OR51B5: variants seen among roughly 807,000 people sequenced by gnomAD.
The protein encoded by OR51B5 is olfactory receptor 51B5.
For missense variants in OR51B5, 456 were observed against 374.6 expected, an observed-to-expected ratio of 1.22 and a Z score of -1.79; for synonymous variants, 186 against 144.8, an observed-to-expected ratio of 1.28 and a Z score of -2.04.
chr11:5,498,241 G>C (rs1385952462), intron 1 of OR51B5, among the ~76,000 whole-genome samples: 1 of 152,162 alleles, frequency 6.6e-6, no homozygotes, highest in African/African-American at 2.4e-5. Context: ...TATCTTTGGC[G>C]ATCCTTGGGA....
chr11:5,400,884 G>T (rs999605515), intron 1 of OR51B5, among the ~76,000 whole-genome samples: 3 of 152,180 alleles, frequency 2.0e-5, no homozygotes, highest in Non-Finnish European at 4.4e-5. Flanking sequence ...CTGTTGATGC[G>T]TAAGTTCAGC....
rs1042973014 is a variant in OR51B5 at position 5,473,587 on chromosome 11, CAGTT to C, written n.84+31978_84+31981del. Among the ~76,000 whole-genome samples the C allele has an allele frequency of 5.3e-5, 8 of 152,088 alleles. 1 individual carries two copies. Among genetic ancestry groups the C allele is most frequent in the East Asian group, 3.9e-4 (2 of 5,186 alleles). The stretch of plus-strand genomic sequence containing the variant: ...TGTGATTCTGCTAGGTTTTTTGACA[CAGTT>C]AGCTCATTTAGTTATCAGTGAAAAC... On this transcript the variant is annotated intron_variant and non_coding_transcript_variant, in intron 1 of 4. Transcript: ENST00000415970.
chr11:5,434,820 T>A (rs568285184), intron 1 of OR51B5, among the ~76,000 whole-genome samples: 45 of 152,312 alleles, frequency 3.0e-4, no homozygotes, highest in African/African-American at 1.1e-3. Context: ...CGTAAGTGGC[T>A]GATCTGGGAC....
chr11:5,396,816 A>T (rs182299186), intron 1 of OR51B5, among the ~76,000 whole-genome samples: 1 of 152,222 alleles, frequency 6.6e-6, no homozygotes, highest in African/African-American at 2.4e-5. Flanking sequence ...CTACAAGGCT[A>T]CAGTAACCAA....
intron 1 of OR51B5, among the ~76,000 whole-genome samples, chr11:5,415,553 A>G (rs192741089): frequency 0.011 from 1,736 of 152,056 alleles, 39 homozygotes; most frequent in African/African-American, 0.039. Flanking sequence ...AAAAAAAGAG[A>G]GAAGAATCAA....
At chr11:5,364,848 T>A (rs939647175) in intron 1 of OR51B5, among the ~76,000 whole-genome samples, 6 of 152,230 alleles carry the variant, frequency 3.9e-5, no homozygotes, top group African/African-American at 1.4e-4. Context: ...CTTTCCTAAG[T>A]TTCTATTGGT....
chr11:5,356,611 A>G (rs1849198975), intron 1 of OR51B5, among the ~76,000 whole-genome samples: 1 of 135,684 alleles, frequency 7.4e-6, no homozygotes, highest in South Asian at 2.4e-4. Flanking sequence ...ATTCAAATTC[A>G]GGAAATACAG....
intron 1 of OR51B5, among the ~76,000 whole-genome samples, chr11:5,349,600 T>C (rs1849044509): frequency 6.6e-6 from 1 of 152,164 alleles, no homozygotes; most frequent in Non-Finnish European, 1.5e-5. Flanking sequence ...TATTAATTAG[T>C]TTGATTATGG....
At chr11:5,388,268 G>A (rs1263704170) in intron 1 of OR51B5, among the ~76,000 whole-genome samples, 1 of 151,904 alleles carries the variant, frequency 6.6e-6, no homozygotes, top group Non-Finnish European at 1.5e-5. Context: ...CATGGTTTAT[G>A]TCCACAAGGA....
chr11:5,440,766 A>G (rs762410237), intron 1 of OR51B5: 50 of 1,613,854 alleles, frequency 3.1e-5, no homozygotes, highest in Non-Finnish European at 4.2e-5. Context: ...AAAGGCCAGC[A>G]CTGCACAGAT....
chr11:5,373,781 G>A (rs1268147967), intron 1 of OR51B5, among the ~76,000 whole-genome samples: 1 of 152,186 alleles, frequency 6.6e-6, no homozygotes, highest in Non-Finnish European at 1.5e-5. Context: ...TGGGGGAGGG[G>A]CAGCCGCCAT....
In OR51B5 at chr11:5,390,310, CA is replaced by C. The variant is rs773961715; in HGVS notation, n.85-43401del. 4.3e-6 allele frequency: 7 copies of C among 1,613,430 alleles called. No homozygotes were observed. In the African/African-American group the frequency reaches 8.0e-5, roughly 18 times the overall value. ...CTCCCATGCTTAACCCAATCATATA[CA>C]GCATTAAGACCAAGGAGATCCACCG... is the stretch of plus-strand genomic sequence containing the variant. On this transcript the variant is annotated intron_variant and non_coding_transcript_variant, in intron 1 of 4. Coordinates refer to the OR51B5 transcript ENST00000415970.
At chr11:5,470,669 AGTCACCATCTAT>A (rs749558989) in intron 1 of OR51B5, among the ~76,000 whole-genome samples, 1 of 152,216 alleles carries the variant, frequency 6.6e-6, no homozygotes, top group Non-Finnish European at 1.5e-5. Flanking sequence ...TCTCATCACC[AGTCACCATCTAT>A]TCACGTGGTC....
chr11:5,395,488 C>A (rs1211941764), intron 1 of OR51B5, among the ~76,000 whole-genome samples: 1 of 152,170 alleles, frequency 6.6e-6, no homozygotes, highest in African/African-American at 2.4e-5. Flanking sequence ...GGCTGCTGTT[C>A]TATCATATCT....
intron 1 of OR51B5, among the ~76,000 whole-genome samples, chr11:5,473,629 T>C (rs1405023694): frequency 1.3e-5 from 2 of 152,170 alleles, no homozygotes; most frequent in Non-Finnish European, 2.9e-5. Context: ...TATGAATACA[T>C]TTTATCATAC....
intron 1 of OR51B5, among the ~76,000 whole-genome samples, chr11:5,493,020 C>G (rs1851601709): frequency 6.6e-6 from 1 of 152,114 alleles, no homozygotes; most frequent in South Asian, 2.1e-4. Flanking sequence ...CAGTCTGATC[C>G]ACCGTTGAAA....
chr11:5,364,964 A>G (rs1265925664), intron 1 of OR51B5, among the ~76,000 whole-genome samples: 1 of 152,208 alleles, frequency 6.6e-6, no homozygotes, highest in Non-Finnish European at 1.5e-5. Flanking sequence ...AGAGGGAAAA[A>G]AATGAAGTAA....
At chr11:5,341,468 A>G (rs1043123272), downstream of OR51B5, 3 of 152,192 alleles carry the variant, frequency 2.0e-5, no homozygotes, top group Admixed American at 1.3e-4. Flanking sequence ...TATCTTCTAT[A>G]TAGTCCCCTC....
Position 5,364,275 on chromosome 11 carries a change from C to T in OR51B5, n.85-17365G>A, listed in dbSNP as rs114267589. Among the ~76,000 whole-genome samples, 1,337 of 152,310 alleles carry T rather than the reference C, an allele frequency of 8.8e-3. 20 individuals are homozygous for T. The highest frequency in any genetic ancestry group is 0.031 in the African/African-American group (1,272 of 41,572). ...GTTAGATGAGCTTTTGATCTGTGCACTTTCCCTCGACCTTGACCACCAATC... is the reference window on the plus strand; with the variant it reads ...GTTAGATGAGCTTTTGATCTGTGCATTTTCCCTCGACCTTGACCACCAATC... On this transcript the variant is annotated intron_variant and non_coding_transcript_variant, in intron 1 of 4. Coordinates refer to the OR51B5 transcript ENST00000415970.
Sources: allele counts gnomAD v4.1 joint callset (sites outside exome capture counted in the v4.1 genomes callset), GRCh38; gene constraint gnomAD v4.1.1; transcripts MANE v1.5; gene names NCBI Gene and HGNC (gene_info 2026-07-23, HGNC 2026-07-21).